DYM: variants seen among roughly 807,000 people sequenced by gnomAD.
DYM encodes dyggve-Melchior-Clausen syndrome protein.
A neutral mutation model predicts 93.1 loss-of-function variants in DYM; 78 were observed. The observed-to-expected ratio is 0.84, with a 90% CI of 0.70 to 1.01. The LOEUF (loss-of-function observed/expected upper bound fraction) is 1.01, where lower values mean the gene tolerates loss of function less well. DYM is among the 50% of genes least tolerant of loss of function. The pLI, the probability that DYM is intolerant of heterozygous loss-of-function variation, is 0.00. For missense variants in DYM, 789 were observed against 845.0 expected (o/e 0.93, Z 0.82); for synonymous variants, 321 against 319.7 (o/e 1.00, Z -0.04).
At chr18:49,259,612 T>C (rs1426550891) in intron 11 of DYM, among the ~76,000 whole-genome samples, 2 of 152,214 alleles carry the variant, frequency 1.3e-5, no homozygotes, top group Non-Finnish European at 2.9e-5. Context: ...TAATAAATTG[T>C]TAGGAAGAAT....
intron 17 of DYM, among the ~76,000 whole-genome samples, chr18:49,074,100 G>C (rs1468637288): frequency 1.3e-5 from 2 of 152,178 alleles, no homozygotes; most frequent in African/African-American, 4.8e-5. Flanking sequence ...GGCCTCCACA[G>C]CTTATAAATA....
chr18:49,081,127 C>G (rs962875460), intron 17 of DYM, among the ~76,000 whole-genome samples: 5 of 149,728 alleles, frequency 3.3e-5, no homozygotes, highest in African/African-American at 1.2e-4. Flanking sequence ...GCTGCAATCT[C>G]GGCACTTTGG....
chr18:49,233,012 C>T (rs573225411), intron 13 of DYM, among the ~76,000 whole-genome samples: 88 of 152,204 alleles, frequency 5.8e-4, no homozygotes, highest in Non-Finnish European at 4.9e-4. Flanking sequence ...TACAAAAATA[C>T]ATGGATTGGT....
chr18:49,082,362 A>T (rs79082509), intron 17 of DYM, among the ~76,000 whole-genome samples: 24 of 152,196 alleles, frequency 1.6e-4, no homozygotes, highest in Non-Finnish European at 3.1e-4. Context: ...TTATATGTTC[A>T]GACTTTCTAG....
chr18:49,257,722 C>T (rs2094416562), intron 12 of DYM, among the ~76,000 whole-genome samples: 2 of 151,732 alleles, frequency 1.3e-5, no homozygotes, highest in South Asian at 2.1e-4. Flanking sequence ...GTGGCACATG[C>T]CTGTGGTCCT....
chr18:49,319,955 A>T (rs558292434), intron 8 of DYM, among the ~76,000 whole-genome samples: 6 of 152,174 alleles, frequency 3.9e-5, no homozygotes, highest in Non-Finnish European at 1.5e-5. Flanking sequence ...GACTTTAAGG[A>T]CCATGGTATC....
At chr18:49,427,529 C>T (rs2074402282) in intron 2 of DYM, among the ~76,000 whole-genome samples, 1 of 151,836 alleles carries the variant, frequency 6.6e-6, no homozygotes, top group Non-Finnish European at 1.5e-5. Flanking sequence ...TAAATATGAA[C>T]TGGGTAGCAG....
At chr18:49,416,886 A>G (rs577339813) in intron 2 of DYM, among the ~76,000 whole-genome samples, 59 of 152,132 alleles carry the variant, frequency 3.9e-4, no homozygotes, top group South Asian at 1.4e-3. Context: ...ACATATTTTT[A>G]TTTCCCAGTT....
In DYM at chr18:49,363,141, C is replaced by T. The variant is rs750950363; in HGVS notation, c.494+20G>A. On this transcript the variant is annotated intron_variant, in intron 6 of 17. Coordinates refer to ENST00000675505, the MANE Select transcript of DYM (RefSeq NM_001353214.3). ...ATATACAAAGAAGATAAAACAAATC[C>T]TGGCCTAGCCAGAACTTACAAGAGT... is the stretch of plus-strand genomic sequence containing the variant. 6.2e-7 allele frequency: 1 copy of T among 1,603,790 alleles called. No individual in the cohort carries two copies. Among genetic ancestry groups the T allele is most frequent in the Non-Finnish European group, 8.5e-7 (1 of 1,170,746 alleles).
At chr18:49,052,117 C>T (rs938267968) in intron 17 of DYM, among the ~76,000 whole-genome samples, 1 of 152,236 alleles carries the variant, frequency 6.6e-6, no homozygotes, top group South Asian at 2.1e-4. Flanking sequence ...GAGTAAACAC[C>T]TGGAAGCACA....
At chr18:49,234,155 G>C (rs2093792051) in intron 13 of DYM, among the ~76,000 whole-genome samples, 1 of 150,172 alleles carries the variant, frequency 6.7e-6, no homozygotes, top group Admixed American at 6.6e-5. Context: ...CAACAAAACT[G>C]AAGAGTTACT....
chr18:49,286,348 T>A, intron 9 of DYM, 86 bp downstream of exon 9: 1 of 1,454,978 alleles, frequency 6.9e-7, no homozygotes, highest in Non-Finnish European at 9.6e-7. Context: ...TGGACACTCA[T>A]CTCCAAAACT....
chr18:49,455,067 C>T (rs1435921473), intron 1 of DYM, among the ~76,000 whole-genome samples: 1 of 152,078 alleles, frequency 6.6e-6, no homozygotes, highest in African/African-American at 2.4e-5. Context: ...AAAGAAAAGG[C>T]CAGAAAGTAA....
At chr18:49,329,534 CT>C (rs1345787940) in intron 8 of DYM, 1 of 152,198 alleles carries the variant, frequency 6.6e-6, no homozygotes, top group Non-Finnish European at 1.5e-5. Context: ...AAAAACACAT[CT>C]GTAAAAGTAA....
chr18:49,121,976 G>A (rs1272317460), intron 15 of DYM, among the ~76,000 whole-genome samples: 3 of 152,122 alleles, frequency 2.0e-5, no homozygotes, highest in Non-Finnish European at 2.9e-5. Context: ...CAAGGGAAGC[G>A]AGATATTTTT....
chr18:49,209,805 G>T, intron 13 of DYM, 90 bp from the exon 14 acceptor site: 1 of 862,582 alleles, frequency 1.2e-6, no homozygotes, highest in Non-Finnish European at 1.5e-6. Flanking sequence ...AAAGCTTTCT[G>T]TGTATCTTCA....
intron 14 of DYM, among the ~76,000 whole-genome samples, chr18:49,205,678 A>T (rs2092437342): frequency 6.6e-6 from 1 of 152,124 alleles, no homozygotes; most frequent in Non-Finnish European, 1.5e-5. Flanking sequence ...AAGAGAACAA[A>T]AATTAAGGGG....
chr18:49,254,322 A>ATC (rs2094349078), intron 13 of DYM, among the ~76,000 whole-genome samples: 1 of 110,498 alleles, frequency 9.0e-6, no homozygotes, highest in African/African-American at 3.4e-5. Flanking sequence ...ATATATATAT[A>ATC]TATACACACA....
intron 14 of DYM, among the ~76,000 whole-genome samples, chr18:49,193,909 A>C (rs1338023198): frequency 6.6e-6 from 1 of 152,208 alleles, no homozygotes; most frequent in African/African-American, 2.4e-5. Context: ...CAAACTGAAA[A>C]GGATTTACCT....
Sources: gnomAD v4.1 joint callset for allele counts (sites outside exome capture counted in the v4.1 genomes callset) on GRCh38, gnomAD v4.1.1 for gene constraint, MANE v1.5 for transcripts, NCBI Gene and HGNC (gene_info 2026-07-23, HGNC 2026-07-21) for gene names.